ART3: variants seen among roughly 807,000 people sequenced by gnomAD.
ART3 encodes ecto-ADP-ribosyltransferase 3.
In ART3, 49 loss-of-function variants were observed where a neutral mutation model predicts 48.5. The observed-to-expected ratio is 1.01, with a 90% confidence interval of 0.80 to 1.28. The LOEUF is 1.28. Among genes scored for constraint, ART3 ranks in the 50% most tolerant of loss-of-function variants. The pLI is 0.00. For synonymous variants in ART3, 145 were observed against 157.2 expected (o/e 0.92, Z 0.58); for missense variants, 438 against 454.3 (o/e 0.96, Z 0.33).
chr4:76,024,702 C>T (rs945378832), intron 1 of ART3, among the ~76,000 whole-genome samples: 8 of 152,160 alleles, frequency 5.3e-5, no homozygotes, highest in African/African-American at 1.9e-4. Flanking sequence ...GCAGGCACCA[C>T]CCTGCAATGA....
chr4:76,022,685 A>G, intron 1 of ART3: 1 of 1,613,358 alleles, frequency 6.2e-7, no homozygotes, highest in Non-Finnish European at 8.5e-7. Context: ...ATGGGATTTC[A>G]CTCACATGAT....
At chr4:76,036,397 C>T (rs1480689918) in intron 1 of ART3, among the ~76,000 whole-genome samples, 1 of 152,126 alleles carries the variant, frequency 6.6e-6, no homozygotes, top group Non-Finnish European at 1.5e-5. Context: ...TTGGTCCTTT[C>T]ACCCACCCTT....
intron 1 of ART3, chr4:76,075,414 C>A: frequency 6.5e-6 from 1 of 154,322 alleles, no homozygotes; most frequent in Non-Finnish European, 1.4e-5. Context: ...TGACAATGTG[C>A]AAAGAGGATA....
chr4:76,075,985 G>A, intron 2 of ART3, 27 bp downstream of exon 2: 2 of 1,496,536 alleles, frequency 1.3e-6, no homozygotes, highest in Non-Finnish European at 1.8e-6. Context: ...GAAGCATGTG[G>A]TCATTGGAAT....
At chr4:76,104,241 A>C in intron 9 of ART3, 1 of 642,538 alleles carries the variant, frequency 1.6e-6, no homozygotes, top group Non-Finnish European at 1.9e-6. Context: ...TGGATGCATC[A>C]GTCCAACACC....
chr4:76,104,510 G>T (rs915628493), intron 9 of ART3, 87 bp from the exon 10 acceptor site: 38 of 1,545,316 alleles, frequency 2.5e-5, no homozygotes, highest in Non-Finnish European at 3.2e-5. Context: ...TTGGGTGCTT[G>T]CATCTCTTAA....
rs747522067 is a variant in ART3, at chr4:76,104,658, G to T, written c.1003+29G>T. ...AGCAACTGATAGGCATGCCAGAGGG[G>T]AACATGCCAGTTTGGGGAGTACAGT... On this transcript the variant is annotated intron_variant, in intron 10 of 11. Coordinates refer to ENST00000355810, the MANE Select transcript of ART3 (RefSeq NM_001130016.3). The T allele has an allele frequency of 5.0e-5, 78 of 1,551,260 alleles. No homozygotes were observed. In the African/African-American group the frequency reaches 7.8e-4, roughly 15 times the overall value.
chr4:76,072,420 T>A (rs1720412190), upstream of ART3, among the ~76,000 whole-genome samples: 2 of 152,150 alleles, frequency 1.3e-5, no homozygotes, highest in South Asian at 4.1e-4. Flanking sequence ...AACATAAACA[T>A]ACACTCAGAC....
At chr4:76,096,359 A>G (rs886367145) in intron 3 of ART3, among the ~76,000 whole-genome samples, 1 of 152,234 alleles carries the variant, frequency 6.6e-6, no homozygotes, top group Non-Finnish European at 1.5e-5. Flanking sequence ...GGACCAAATC[A>G]CCTGGGTTTT....
chr4:76,094,508 G>A (rs899590145), intron 3 of ART3, among the ~76,000 whole-genome samples: 2 of 152,170 alleles, frequency 1.3e-5, no homozygotes, highest in African/African-American at 4.8e-5. Flanking sequence ...CTGGTACATA[G>A]TTAATTTACT....
chr4:76,093,557 A>G (rs1428432410), intron 3 of ART3, among the ~76,000 whole-genome samples: 1 of 152,206 alleles, frequency 6.6e-6, no homozygotes, highest in Non-Finnish European at 1.5e-5. Context: ...TCACCTGGAA[A>G]ATCCAAGATA....
chr4:76,040,862 A>G (rs1230288454), intron 1 of ART3, among the ~76,000 whole-genome samples: 2 of 152,150 alleles, frequency 1.3e-5, no homozygotes, highest in Admixed American at 6.5e-5. Flanking sequence ...ATCTCCTTGA[A>G]CCACAAAATA....
At chr4:76,093,112 C>T (rs932974546) in intron 3 of ART3, among the ~76,000 whole-genome samples, 2 of 152,046 alleles carry the variant, frequency 1.3e-5, no homozygotes, top group African/African-American at 4.8e-5. Context: ...CTCCTTCATC[C>T]ATCTTCAGTC....
chr4:76,011,977 C>T (rs1055358042), intron 1 of ART3: 5 of 152,122 alleles, frequency 3.3e-5, no homozygotes, highest in African/African-American at 4.8e-5. Context: ...TTCTCACAGC[C>T]CTGGGAATGG....
rs115719610 is a variant in ART3 at position 76,098,033 on chromosome 4, T to G, written c.814+357T>G. Among the ~76,000 whole-genome samples the G allele has an allele frequency of 4.7e-3, 721 of 152,308 alleles. 5 individuals carry two copies. Among genetic ancestry groups the G allele is most frequent in the African/African-American group, 0.017 (690 of 41,568 alleles). ...TCAGCCATTTCCCACTTGACTCCTA[T>G]GCAAAGAGCTAGCTCCTGTTCCTGT... On this transcript the variant is annotated intron_variant, in intron 4 of 11. Transcript: ENST00000355810.
chr4:76,040,446 A>ACACGCGCG (rs150596672), intron 1 of ART3, among the ~76,000 whole-genome samples: 2 of 138,494 alleles, frequency 1.4e-5, no homozygotes, highest in Admixed American at 1.4e-4. Flanking sequence ...ATACACACAC[A>ACACGCGCG]CACACACACA....
At chr4:76,105,819 A>G (rs1728346807) in intron 10 of ART3, 1 of 985,444 alleles carries the variant, frequency 1.0e-6, no homozygotes. Flanking sequence ...GGGCCTGTCT[A>G]TTCCAGAATG....
chr4:76,052,750 T>C (rs1412501274), intron 1 of ART3, among the ~76,000 whole-genome samples: 2 of 148,658 alleles, frequency 1.3e-5, no homozygotes, highest in Non-Finnish European at 3.0e-5. Context: ...AGTCTTGCTC[T>C]GTCATCCAGG....
At chr4:76,062,559 C>CTTT (rs34383642) in intron 1 of ART3, among the ~76,000 whole-genome samples, 41,411 of 112,804 alleles carry the variant, frequency 0.37, 8,708 homozygotes, top group East Asian at 0.51. Flanking sequence ...AAAAATAAAT[C>CTTT]TTTTTTTTTT....
Sources: allele counts gnomAD v4.1 joint callset (sites outside exome capture counted in the v4.1 genomes callset), GRCh38; gene constraint gnomAD v4.1.1; transcripts MANE v1.5; gene names NCBI Gene and HGNC (gene_info 2026-07-23, HGNC 2026-07-21).